SAMMSON: variants seen among roughly 807,000 people sequenced by gnomAD.
SAMMSON encodes long intergenic non-protein coding RNA 1212.
chr3:70,167,960 G>A (rs1282779644), intron 4 of SAMMSON, among the ~76,000 whole-genome samples: 3 of 151,920 alleles, frequency 2.0e-5, no homozygotes, highest in African/African-American at 4.8e-5. Flanking sequence ...AAAAGGCGAC[G>A]GTTTTGAATC....
intron 2 of SAMMSON, among the ~76,000 whole-genome samples, chr3:70,413,897 C>T (rs1192230982): frequency 2.0e-5 from 3 of 152,018 alleles, no homozygotes; most frequent in Non-Finnish European, 4.4e-5. Flanking sequence ...CTTTTGTTAC[C>T]TTTACAGTCT....
intron 6 of SAMMSON, among the ~76,000 whole-genome samples, chr3:70,264,508 A>G (rs1439806237): frequency 6.6e-6 from 1 of 152,252 alleles, no homozygotes; most frequent in East Asian, 1.9e-4. Flanking sequence ...TCTCCCTGTT[A>G]GAGAATAACC....
chr3:70,209,665 G>C (rs140845596), intron 4 of SAMMSON, among the ~76,000 whole-genome samples: 3 of 152,156 alleles, frequency 2.0e-5, no homozygotes, highest in African/African-American at 7.2e-5. Flanking sequence ...CTTTGTGCTT[G>C]TCCTTTTCCC....
rs968905306 is a variant in SAMMSON at position 70,410,183 on chromosome 3, C to T, written n.233+51859C>T. The stretch of plus-strand genomic sequence containing the variant: ...CTCTCCATTTGCCTCATGCTGTCGG[C>T]ATCCATGTTGCCTTCCTTCCCAGAC... On this transcript the variant is annotated intron_variant and non_coding_transcript_variant, in intron 2 of 3. Transcript: ENST00000641053. Among the ~76,000 whole-genome samples, 12 of 152,340 alleles carry T rather than the reference C, an allele frequency of 7.9e-5. 1 individual carries two copies. In the East Asian group the frequency reaches 1.9e-3, roughly 25 times the overall value.
At chr3:70,407,875 C>T (rs1701188871) in intron 2 of SAMMSON, among the ~76,000 whole-genome samples, 2 of 152,252 alleles carry the variant, frequency 1.3e-5, no homozygotes, top group African/African-American at 2.4e-5. Context: ...ACTGCCCTAG[C>T]AGAGTTTCTC....
intron 2 of SAMMSON, among the ~76,000 whole-genome samples, chr3:70,407,779 G>T (rs1451315650): frequency 6.6e-6 from 1 of 152,162 alleles, no homozygotes. Flanking sequence ...GGAGGATGGT[G>T]GCCGTCTTCT....
At chr3:70,289,347 G>A (rs1251362531) in intron 6 of SAMMSON, among the ~76,000 whole-genome samples, 2 of 150,870 alleles carry the variant, frequency 1.3e-5, no homozygotes, top group African/African-American at 2.4e-5. Flanking sequence ...ATGAAATTCT[G>A]GGTTGAAAAT....
intron 4 of SAMMSON, among the ~76,000 whole-genome samples, chr3:70,229,221 G>A (rs2106743037): frequency 6.6e-6 from 1 of 152,284 alleles, no homozygotes; most frequent in East Asian, 1.9e-4. Flanking sequence ...GAGGAGGAAT[G>A]GTCAGGAAGC....
rs569465776 is a variant in SAMMSON at position 70,267,905 on chromosome 3, G to T, written n.674+18235G>T. ...AGTAGACTTGAAAATTTGAGCCAAG[G>T]TCCCAGTTTCCTTTCCTTTTCTTCC... On this transcript the variant is annotated intron_variant and non_coding_transcript_variant, in intron 6 of 9. Transcript: ENST00000642114. 2.0e-5 allele frequency among the ~76,000 whole-genome samples: 3 copies of T among 151,880 alleles called. No homozygotes were observed. In the East Asian group the frequency reaches 5.8e-4, roughly 30 times the overall value.
At chr3:70,369,250 T>C (rs1702945545) in intron 9 of SAMMSON, among the ~76,000 whole-genome samples, 1 of 151,724 alleles carries the variant, frequency 6.6e-6, no homozygotes. Context: ...TTCACTTAGT[T>C]CCAGAACTGT....
intron 7 of SAMMSON, among the ~76,000 whole-genome samples, chr3:70,338,773 C>T (rs1702686336): frequency 6.6e-6 from 1 of 152,144 alleles, no homozygotes; most frequent in African/African-American, 2.4e-5. Flanking sequence ...AATGGAAAAA[C>T]ATTCCATGCT....
rs149782425 is a variant in SAMMSON, at chr3:70,370,037, T to A, written n.913+11713T>A. Among the ~76,000 whole-genome samples, 121 of 151,978 alleles carry A rather than the reference T, an allele frequency of 8.0e-4. 1 individual carries two copies. The highest frequency in any genetic ancestry group is 2.9e-3 in the African/African-American group (120 of 41,518). ...TCTTTATCTCCGTAAGATAAACTTT[T>A]CTAGCCCCTACGTATGAGTGAGAAC... On this transcript the variant is annotated intron_variant and non_coding_transcript_variant, in intron 9 of 9. Coordinates refer to ENST00000642114, the Ensembl canonical transcript of SAMMSON.
intron 4 of SAMMSON, chr3:70,205,744 T>C (rs1357273): frequency 0.32 from 49,287 of 152,036 alleles, 10,380 homozygotes; most frequent in Non-Finnish European, 0.46. Context: ...TTTTTCTTAT[T>C]TTCAAAAAGT....
At chr3:70,226,110 C>T (rs114960714) in intron 4 of SAMMSON, among the ~76,000 whole-genome samples, 1 of 152,120 alleles carries the variant, frequency 6.6e-6, no homozygotes, top group East Asian at 1.9e-4. Flanking sequence ...TCAGAAAACA[C>T]ATACAACATC....
intron 4 of SAMMSON, among the ~76,000 whole-genome samples, chr3:70,167,510 A>G (rs1006309768): frequency 6.6e-6 from 1 of 151,972 alleles, no homozygotes; most frequent in Non-Finnish European, 1.5e-5. Context: ...TTTGAGCAAT[A>G]CAGATCTAGT....
At chr3:70,159,975 G>C (rs1249134157) in intron 4 of SAMMSON, among the ~76,000 whole-genome samples, 1 of 151,976 alleles carries the variant, frequency 6.6e-6, no homozygotes, top group African/African-American at 2.4e-5. Flanking sequence ...TTAGCCATCT[G>C]TATGTCTTAT....
intron 2 of SAMMSON, among the ~76,000 whole-genome samples, chr3:70,412,131 A>C (rs1157774867): frequency 6.6e-6 from 1 of 152,152 alleles, no homozygotes; most frequent in Non-Finnish European, 1.5e-5. Flanking sequence ...ATGCTGATGA[A>C]AGTAAAAGCA....
At chr3:70,099,033 T>G (rs1394056064) in intron 4 of SAMMSON, among the ~76,000 whole-genome samples, 1 of 152,208 alleles carries the variant, frequency 6.6e-6, no homozygotes, top group Non-Finnish European at 1.5e-5. Flanking sequence ...GAGATTCACC[T>G]TTGATATGTA....
chr3:70,365,226 G>C (rs549702303), intron 9 of SAMMSON, among the ~76,000 whole-genome samples: 28 of 151,500 alleles, frequency 1.8e-4, no homozygotes, highest in African/African-American at 5.8e-4. Context: ...GTTTCTCCAG[G>C]GAGTCCTGGT....
Sources: gnomAD v4.1 joint callset for allele counts (sites outside exome capture counted in the v4.1 genomes callset) on GRCh38, gnomAD v4.1.1 for gene constraint, MANE v1.5 for transcripts, NCBI Gene and HGNC (gene_info 2026-07-23, HGNC 2026-07-21) for gene names.